HUNK: variants seen among roughly 807,000 people sequenced by gnomAD.
The protein encoded by HUNK is hormonally up-regulated Neu-associated kinase, also known as hormonally up-regulated neu tumor-associated kinase.
A neutral mutation model predicts 61.0 loss-of-function variants in HUNK; 21 were observed. That is an observed-to-expected ratio of 0.34 (90% CI 0.24 to 0.50). The LOEUF is 0.50. Among genes scored for constraint, HUNK ranks in the 20% least tolerant of loss-of-function variants. The pLI, the probability that HUNK is intolerant of heterozygous loss-of-function variation, is 0.98. For synonymous variants in HUNK, 371 were observed against 386.1 expected (o/e 0.96, Z 0.46); for missense variants, 772 against 945.7 (o/e 0.82, Z 2.41).
In HUNK at chr21:31,924,266, ATG is replaced by A. The variant is rs146734481; in HGVS notation, c.262-184_262-183del. Among the ~76,000 whole-genome samples, 5 of 81,208 alleles carry A rather than the reference ATG, an allele frequency of 6.2e-5. No homozygotes were observed. Among genetic ancestry groups the A allele is most frequent in the East Asian group, 3.3e-4 (1 of 3,014 alleles). 53.3% of individuals were successfully genotyped at this position (81,208 alleles called of 152,430 possible). A position where few individuals can be genotyped will look rare whatever the true frequency, so the allele number is the denominator to read the frequency against. ...TGATTTTTCCTAATGTTGTACCTATATGTGTGTGTGTGTGTGTGTTTGTGTGG... is the reference window on the plus strand; with the variant it reads ...TGATTTTTCCTAATGTTGTACCTATATGTGTGTGTGTGTGTGTTTGTGTGG... On this transcript the variant is annotated intron_variant, in intron 1 of 10. Coordinates refer to ENST00000270112, the MANE Select transcript of HUNK (RefSeq NM_014586.2). This position sits in a 1 kb window ranked among gnomAD's most constrained non-coding sequence, Gnocchi z 5.1.
At chr21:31,977,154 G>A (rs965126158) in intron 7 of HUNK, among the ~76,000 whole-genome samples, 5 of 151,960 alleles carry the variant, frequency 3.3e-5, no homozygotes, top group African/African-American at 7.3e-5. Flanking sequence ...ATCTTATAGC[G>A]TACATGATAT....
intron 2 of HUNK, among the ~76,000 whole-genome samples, chr21:31,929,128 T>A (rs933532569): frequency 6.6e-6 from 1 of 152,164 alleles, no homozygotes; most frequent in Admixed American, 6.5e-5. Flanking sequence ...TATGTCATAA[T>A]CAACTTAATG....
intron 8 of HUNK, among the ~76,000 whole-genome samples, chr21:31,986,963 C>T (rs2123248309): frequency 6.6e-6 from 1 of 152,328 alleles, no homozygotes. Context: ...TCCCTCTGGG[C>T]TGTGAGTTCC....
At chr21:31,886,665 CT>C (rs71193155) in intron 1 of HUNK, among the ~76,000 whole-genome samples, 104 of 146,722 alleles carry the variant, frequency 7.1e-4, no homozygotes, top group Admixed American at 1.0e-3. Flanking sequence ...TCAGAAAATA[CT>C]TTTTTTTTTT....
chr21:31,981,672 G>A (rs2053098351), intron 7 of HUNK, among the ~76,000 whole-genome samples: 1 of 152,040 alleles, frequency 6.6e-6, no homozygotes, highest in Admixed American at 6.6e-5. Flanking sequence ...TGTTGTTAGT[G>A]TATGAAAACA....
intron 4 of HUNK, 80 bp from the exon 5 acceptor site, chr21:31,958,763 C>T: frequency 7.2e-7 from 1 of 1,385,230 alleles, no homozygotes; most frequent in Non-Finnish European, 9.7e-7. Flanking sequence ...AGCTCCCACG[C>T]TTCGGTGAAG....
At chr21:31,910,387 G>T (rs1197265423) in intron 1 of HUNK, among the ~76,000 whole-genome samples, 1 of 152,002 alleles carries the variant, frequency 6.6e-6, no homozygotes, top group African/African-American at 2.4e-5. Flanking sequence ...TTGGATTAGG[G>T]CATCACCCTC....
At chr21:31,906,667 C>T (rs2052507677) in intron 1 of HUNK, among the ~76,000 whole-genome samples, 1 of 151,938 alleles carries the variant, frequency 6.6e-6, no homozygotes, top group African/African-American at 2.4e-5. Flanking sequence ...TGGGCTCAAG[C>T]GATCCGCCTA....
At chr21:31,971,890 G>A (rs147875826) in intron 6 of HUNK, among the ~76,000 whole-genome samples, 638 of 149,730 alleles carry the variant, frequency 4.3e-3, no homozygotes, top group Non-Finnish European at 7.0e-3. Flanking sequence ...GTTCAGTGGC[G>A]CAATCACAGC....
In HUNK at chr21:31,999,054, T is replaced by C. The variant is rs1437232329; in HGVS notation, c.2015T>C (p.Leu672Ser). Residue 672 changes from leucine (L) to serine (S), a missense_variant, in exon 11 of 11, where the codon TTA becomes TCA. Leu to Ser is a moderately radical substitution (Grantham distance 145). Transcript: ENST00000270112. The stretch of plus-strand genomic sequence containing the variant: ...CCTATGATGGGCATCGGACAGATGT[T>C]AAGGAAGCGCCATCAGAGTCTGCAG... ...RFPMMGIGQMLRKRHQSLQPS... is the reference protein window; with the variant it reads ...RFPMMGIGQMSRKRHQSLQPS... 6.2e-7 allele frequency: 1 copy of C among 1,614,220 alleles called. No homozygotes were observed. The highest frequency in any genetic ancestry group is 8.5e-7 in the Non-Finnish European group (1 of 1,180,046).
At chr21:31,894,220 C>T (rs1481429460) in intron 1 of HUNK, among the ~76,000 whole-genome samples, 1 of 151,988 alleles carries the variant, frequency 6.6e-6, no homozygotes, top group Non-Finnish European at 1.5e-5. Context: ...GTTGTGGAAG[C>T]GAAGGTCATC....
rs1198141306 is a variant in HUNK, at chr21:32,003,373, T to C, written c.*4189T>C. On this transcript the variant is annotated 3_prime_UTR_variant, in exon 11 of 11. Transcript: ENST00000270112. ...CCCTGGATAGCCTTGTTATCTACTT[T>C]AGGTATTAAGAGGCTATTGGGTTTT... is the stretch of plus-strand genomic sequence containing the variant. The C allele has an allele frequency of 6.6e-6, 1 of 151,092 alleles. No individual in the cohort carries two copies. The highest frequency in any genetic ancestry group is 2.4e-5 in the African/African-American group (1 of 41,416). The allele number at this position is 151,092 out of a possible 1,614,324, so 9.4% of individuals were successfully genotyped here.
At chr21:31,933,551 G>A (rs763290540) in intron 2 of HUNK, among the ~76,000 whole-genome samples, 2 of 151,974 alleles carry the variant, frequency 1.3e-5, no homozygotes, top group Non-Finnish European at 2.9e-5. Context: ...TTGGGAGGCC[G>A]AGGTAGGTGG....
At position 31,921,388 on chromosome 21, in the gene HUNK, C is replaced by T. The variant is rs558546074; in HGVS notation, c.262-3080C>T. The stretch of plus-strand genomic sequence containing the variant: ...TATAGGGACGTAGGGAAGGAAGGTG[C>T]GGGGGAGTCTCTCTGGTAGGGAGGT... On this transcript the variant is annotated intron_variant, in intron 1 of 10. Transcript: ENST00000270112. Among the ~76,000 whole-genome samples, 15 of 115,584 alleles carry T rather than the reference C, an allele frequency of 1.3e-4. No homozygotes were observed. The South Asian group carries it at 4.0e-3, about 31-fold the overall frequency. The allele number at this position is 115,584 out of a possible 152,430, so 75.8% of individuals were successfully genotyped here. A position where few individuals can be genotyped will look rare whatever the true frequency, so the allele number is the denominator to read the frequency against.
intron 10 of HUNK, among the ~76,000 whole-genome samples, chr21:31,997,675 G>T (rs757900778): frequency 1.8e-4 from 28 of 152,176 alleles, no homozygotes; most frequent in Admixed American, 2.6e-4. Context: ...TATTATTGCT[G>T]AACTGTACAC....
chr21:31,941,738 C>T (rs1222660004), intron 3 of HUNK, among the ~76,000 whole-genome samples: 1 of 152,136 alleles, frequency 6.6e-6, no homozygotes, highest in Non-Finnish European at 1.5e-5. Context: ...TTTCCGAGAT[C>T]TGGAGTGTTA....
chr21:31,933,590 G>C (rs943689070), intron 2 of HUNK, among the ~76,000 whole-genome samples: 4 of 152,048 alleles, frequency 2.6e-5, no homozygotes, highest in African/African-American at 9.7e-5. Context: ...TTCGACACCA[G>C]CCTGACCAAC....
In HUNK at chr21:31,873,810, C is replaced by G. The variant is rs571473001; in HGVS notation, c.136C>G (p.Arg46Gly). Residue 46 changes from arginine to glycine, a missense_variant, in exon 1 of 11, where the codon CGC becomes GGC. Arg to Gly is a moderately radical substitution (Grantham distance 125). This residue lies in a region of HUNK where 359 missense variants were observed against 501.3 expected (regional missense o/e 0.72). Coordinates refer to ENST00000270112, the MANE Select transcript of HUNK (RefSeq NM_014586.2). The surrounding 1 kb of genome is among the most constrained non-coding windows in gnomAD (Gnocchi z 6.1). Reference sequence around the variant, plus strand: ...GCCTGCCTGGGTGAGCGGCGTGCCCCGCGAGCGGCTCCGCGACTTCCAGCA... The same window carrying G: ...GCCTGCCTGGGTGAGCGGCGTGCCCGGCGAGCGGCTCCGCGACTTCCAGCA... The part of the protein sequence containing the change: ...FLPAWVSGVP[R>G]ERLRDFQHHK... The G allele has an allele frequency of 6.4e-7, 1 of 1,570,450 alleles. No individual in the cohort carries two copies. Among genetic ancestry groups the G allele is most frequent in the South Asian group, 1.2e-5 (1 of 86,884 alleles).
At chr21:31,990,078 T>G (rs189942806) in intron 8 of HUNK, 51 bp from the exon 9 acceptor site, 2 of 1,530,946 alleles carry the variant, frequency 1.3e-6, no homozygotes, top group East Asian at 2.2e-5. Context: ...ATTTAGGGAA[T>G]AAATAGCAGG....
Sources: allele counts gnomAD v4.1 joint callset (sites outside exome capture counted in the v4.1 genomes callset), GRCh38; gene constraint gnomAD v4.1.1; regional missense constraint gnomAD v4.1.1; non-coding constraint Gnocchi (gnomAD v3.1); transcripts MANE v1.5; gene names NCBI Gene and HGNC (gene_info 2026-07-23, HGNC 2026-07-21).